NRXN3: variants seen among roughly 807,000 people sequenced by gnomAD.
NRXN3 encodes the protein neurexin 3, also known as neurexin III.
A neutral mutation model predicts 137.6 loss-of-function variants in NRXN3; 32 were observed. The ratio of observed to expected loss-of-function variants is 0.23; its 90% confidence interval spans 0.18 to 0.31. NRXN3 has a LOEUF of 0.31. Ranked by LOEUF, NRXN3 falls within the 10% of genes least tolerant of loss-of-function variation. The pLI is 1.00. For missense variants in NRXN3, 1,574 were observed against 2,062.5 expected (o/e 0.76, Z 4.59); for synonymous variants, 798 against 784.5 (o/e 1.02, Z -0.29).
At chr14:78,346,615 A>G (rs1031228348) in intron 4 of NRXN3, among the ~76,000 whole-genome samples, 1 of 152,094 alleles carries the variant, frequency 6.6e-6, no homozygotes, top group African/African-American at 2.4e-5. Context: ...AGCTCTTCTG[A>G]CTTCTCAATC....
intron 4 of NRXN3, among the ~76,000 whole-genome samples, chr14:78,595,121 G>C (rs2097148386): frequency 6.6e-6 from 1 of 152,188 alleles, no homozygotes; most frequent in Non-Finnish European, 1.5e-5. Context: ...GAAATACAGG[G>C]TGGCTAGTGA....
intron 16 of NRXN3, among the ~76,000 whole-genome samples, chr14:79,484,007 A>C (rs1297366791): frequency 6.6e-6 from 1 of 152,024 alleles, no homozygotes; most frequent in East Asian, 1.9e-4. Context: ...TTTTATCTTC[A>C]TGGTAGTTCA....
chr14:79,249,990 A>T (rs867350990), intron 15 of NRXN3, among the ~76,000 whole-genome samples: 18 of 152,240 alleles, frequency 1.2e-4, no homozygotes, highest in Non-Finnish European at 1.8e-4. Context: ...AATGGTGCTT[A>T]TGCACTAATA....
At chr14:78,877,353 C>T (rs934591906) in intron 10 of NRXN3, among the ~76,000 whole-genome samples, 1 of 152,144 alleles carries the variant, frequency 6.6e-6, no homozygotes, top group Non-Finnish European at 1.5e-5. Context: ...ATGCCTTTTT[C>T]AGGGCCCCGT....
intron 15 of NRXN3, among the ~76,000 whole-genome samples, chr14:79,122,666 C>T (rs1190429645): frequency 5.3e-5 from 8 of 152,202 alleles, no homozygotes; most frequent in Admixed American, 2.0e-4. Context: ...TTAGGTTTAA[C>T]TCACAGCCCT....
chr14:78,724,744 T>A (rs761905303), intron 8 of NRXN3, among the ~76,000 whole-genome samples: 7 of 152,234 alleles, frequency 4.6e-5, no homozygotes, highest in Non-Finnish European at 7.3e-5. Flanking sequence ...TAAATTTTAT[T>A]TGAAATGTTG....
chr14:79,327,022 G>T (rs985696827), intron 15 of NRXN3, among the ~76,000 whole-genome samples: 1 of 152,118 alleles, frequency 6.6e-6, no homozygotes, highest in African/African-American at 2.4e-5. Context: ...AGAATTAGAA[G>T]CAAATTTGCC....
intron 10 of NRXN3, among the ~76,000 whole-genome samples, chr14:78,909,457 C>T (rs2099230017): frequency 6.6e-6 from 1 of 152,058 alleles, no homozygotes; most frequent in African/African-American, 2.4e-5. Flanking sequence ...CAGAAAAATG[C>T]CCAAGAAAGC....
intron 15 of NRXN3, among the ~76,000 whole-genome samples, chr14:79,431,860 A>G (rs899575345): frequency 1.3e-5 from 2 of 152,160 alleles, no homozygotes; most frequent in Non-Finnish European, 2.9e-5. Context: ...TCTGAAATGT[A>G]TCTATCTTTT....
At chr14:79,446,362 G>T (rs375002984) in intron 15 of NRXN3, among the ~76,000 whole-genome samples, 142 of 152,204 alleles carry the variant, frequency 9.3e-4, no homozygotes, top group African/African-American at 3.3e-3. Context: ...TTTTCTGAAA[G>T]TCTTATCTCT....
intron 4 of NRXN3, among the ~76,000 whole-genome samples, chr14:78,323,963 A>G (rs1025745689): frequency 2.0e-5 from 3 of 152,074 alleles, no homozygotes; most frequent in Admixed American, 2.0e-4. Context: ...GGAGTGCTTC[A>G]TGGCCATTAT....
intron 1 of NRXN3, among the ~76,000 whole-genome samples, chr14:78,178,172 GAAGCC>G (rs1170141338): frequency 6.6e-6 from 1 of 152,196 alleles, no homozygotes; most frequent in Non-Finnish European, 1.5e-5. Flanking sequence ...GCTCTGCTCT[GAAGCC>G]TCTGGTCTTA....
intron 4 of NRXN3, among the ~76,000 whole-genome samples, chr14:78,372,354 T>G (rs2087005454): frequency 6.6e-6 from 1 of 152,036 alleles, no homozygotes; most frequent in African/African-American, 2.4e-5. Context: ...CTTGTTTGTT[T>G]GTCTGATGGA....
chr14:78,565,109 C>G (rs1322868437), intron 4 of NRXN3, among the ~76,000 whole-genome samples: 1 of 152,124 alleles, frequency 6.6e-6, no homozygotes, highest in African/African-American at 2.4e-5. Flanking sequence ...TTTCCTATCC[C>G]TTTGATTCTA....
At chr14:79,281,658 G>T (rs1191855407) in intron 15 of NRXN3, 1 of 152,064 alleles carries the variant, frequency 6.6e-6, no homozygotes, top group Non-Finnish European at 1.5e-5. Flanking sequence ...AGCCTGTGTG[G>T]TAATGGTCAG....
chr14:78,857,837 G>A (rs546450666), intron 10 of NRXN3, among the ~76,000 whole-genome samples: 2 of 152,222 alleles, frequency 1.3e-5, no homozygotes, highest in Non-Finnish European at 2.9e-5. Context: ...AAATATCAAT[G>A]TGTAGTAAGT....
chr14:79,305,758 C>T (rs1356477508), intron 15 of NRXN3, among the ~76,000 whole-genome samples: 1 of 152,036 alleles, frequency 6.6e-6, no homozygotes, highest in African/African-American at 2.4e-5. Context: ...ATGAACTAAC[C>T]TTATAATTCC....
At chr14:79,221,511 T>C (rs1408809859) in intron 15 of NRXN3, among the ~76,000 whole-genome samples, 3 of 151,704 alleles carry the variant, frequency 2.0e-5, no homozygotes, top group Non-Finnish European at 2.9e-5. Flanking sequence ...CCAGTGATGA[T>C]GAGCATTTTT....
intron 4 of NRXN3, among the ~76,000 whole-genome samples, chr14:78,592,041 C>T (rs1431613895): frequency 1.3e-5 from 2 of 152,108 alleles, no homozygotes; most frequent in African/African-American, 4.8e-5. Flanking sequence ...CAATAGTTGC[C>T]AGACCTATTA....
Sources: allele counts gnomAD v4.1 joint callset (sites outside exome capture counted in the v4.1 genomes callset), GRCh38; gene constraint gnomAD v4.1.1; transcripts MANE v1.5; gene names NCBI Gene and HGNC (gene_info 2026-07-23, HGNC 2026-07-21).